LRMDA: variants seen among roughly 807,000 people sequenced by gnomAD.
LRMDA encodes leucine rich melanocyte differentiation associated.
Under a neutral mutation model 29.8 loss-of-function variants are expected in LRMDA, and 18 were observed. The ratio of observed to expected loss-of-function variants is 0.60; its 90% CI spans 0.42 to 0.90. The LOEUF (loss-of-function observed/expected upper bound fraction) is 0.90. Among genes scored for constraint, LRMDA ranks in the 40% least tolerant of loss-of-function variants. The pLI is 0.00. For missense variants in LRMDA, 273 were observed against 273.9 expected, an observed-to-expected ratio of 1.00 and a Z score of 0.02; for synonymous variants, 125 against 109.4, an observed-to-expected ratio of 1.14 and a Z score of -0.89.
At chr10:75,890,599 T>G (rs1011749514) in intron 2 of LRMDA, among the ~76,000 whole-genome samples, 1 of 152,138 alleles carries the variant, frequency 6.6e-6, no homozygotes, top group African/African-American at 2.4e-5. Flanking sequence ...TGTGTTCATT[T>G]TGTAGGTGTG....
At chr10:76,211,440 G>GACT (rs1194475878) in intron 5 of LRMDA, among the ~76,000 whole-genome samples, 1 of 152,222 alleles carries the variant, frequency 6.6e-6, no homozygotes, top group Non-Finnish European at 1.5e-5. Context: ...ACACATAGGT[G>GACT]ACTACTCAAG....
chr10:76,543,257 T>C (rs1843378747), intron 6 of LRMDA, among the ~76,000 whole-genome samples: 1 of 151,802 alleles, frequency 6.6e-6, no homozygotes, highest in African/African-American at 2.4e-5. Context: ...ATACATTAGG[T>C]AAAACCCTGC....
At chr10:75,624,697 T>C (rs1322221943) in intron 2 of LRMDA, among the ~76,000 whole-genome samples, 1 of 152,166 alleles carries the variant, frequency 6.6e-6, no homozygotes, top group African/African-American at 2.4e-5. Context: ...TGCCTGAGAT[T>C]AGCCAGCAAA....
chr10:75,879,161 T>A (rs1196137942), intron 2 of LRMDA, among the ~76,000 whole-genome samples: 1 of 152,128 alleles, frequency 6.6e-6, no homozygotes, highest in Non-Finnish European at 1.5e-5. Context: ...GTCTTATAAC[T>A]TGAGTGATGC....
intron 2 of LRMDA, among the ~76,000 whole-genome samples, chr10:75,558,156 T>C (rs1216291963): frequency 1.1e-5 from 1 of 86,986 alleles, no homozygotes; most frequent in East Asian, 4.4e-4. Context: ...AGTGGTATGA[T>C]TTTTTTTTTT....
At chr10:76,372,857 G>T (rs1260135605) in intron 6 of LRMDA, among the ~76,000 whole-genome samples, 7 of 151,908 alleles carry the variant, frequency 4.6e-5, no homozygotes, top group Admixed American at 4.6e-4. Context: ...GAACTTGAAG[G>T]GTCCCATTTT....
chr10:76,516,679 T>C (rs1216948411), intron 6 of LRMDA, among the ~76,000 whole-genome samples: 5 of 152,210 alleles, frequency 3.3e-5, no homozygotes, highest in African/African-American at 1.2e-4. Flanking sequence ...AACTCTTCAT[T>C]TTTTATGGCT....
At chr10:75,795,980 A>T (rs565683210) in intron 2 of LRMDA, among the ~76,000 whole-genome samples, 89 of 152,210 alleles carry the variant, frequency 5.8e-4, no homozygotes, top group African/African-American at 2.0e-3. Context: ...AAATTGAATT[A>T]AAAAAATCAT....
At chr10:75,896,221 CAAG>C (rs1375317087) in intron 2 of LRMDA, among the ~76,000 whole-genome samples, 2 of 152,138 alleles carry the variant, frequency 1.3e-5, no homozygotes. Context: ...AACACAAACT[CAAG>C]AGCTTCTAGG....
chr10:76,543,938 C>T (rs180885845), intron 6 of LRMDA, among the ~76,000 whole-genome samples: 5 of 152,234 alleles, frequency 3.3e-5, no homozygotes, highest in Non-Finnish European at 7.4e-5. Context: ...GGGCTTCTCC[C>T]TGCACCACAG....
intron 2 of LRMDA, among the ~76,000 whole-genome samples, chr10:75,675,266 T>C (rs1366306610): frequency 6.6e-6 from 1 of 152,212 alleles, no homozygotes; most frequent in African/African-American, 2.4e-5. Context: ...TAATTGTACA[T>C]TTACTAATTG....
intron 2 of LRMDA, among the ~76,000 whole-genome samples, chr10:75,834,581 A>C (rs1844401379): frequency 6.6e-6 from 1 of 152,332 alleles, no homozygotes. Flanking sequence ...CAGCAAGAGG[A>C]AACCAGATTG....
chr10:76,303,205 T>G (rs986641846), intron 5 of LRMDA, among the ~76,000 whole-genome samples: 2 of 145,266 alleles, frequency 1.4e-5, no homozygotes, highest in African/African-American at 2.7e-5. Context: ...ATGTTTACAC[T>G]CCTCCCTTTT....
At chr10:75,639,185 G>A (rs189927591) in intron 2 of LRMDA, among the ~76,000 whole-genome samples, 10 of 152,318 alleles carry the variant, frequency 6.6e-5, no homozygotes, top group South Asian at 2.1e-4. Flanking sequence ...AAAATGTAGG[G>A]AAGATAGGAT....
chr10:75,645,315 T>G (rs1841504671), intron 2 of LRMDA, among the ~76,000 whole-genome samples: 2 of 152,224 alleles, frequency 1.3e-5, no homozygotes, highest in Non-Finnish European at 2.9e-5. Flanking sequence ...AATTGTGAAC[T>G]GTAGGTGATA....
At chr10:76,135,307 AC>A (rs1264378764) in intron 5 of LRMDA, among the ~76,000 whole-genome samples, 1 of 152,208 alleles carries the variant, frequency 6.6e-6, no homozygotes, top group East Asian at 1.9e-4. Context: ...AAGGGACAGC[AC>A]CAAATGGAGG....
intron 2 of LRMDA, among the ~76,000 whole-genome samples, chr10:75,828,721 C>T (rs971844920): frequency 2.6e-5 from 4 of 152,126 alleles, no homozygotes; most frequent in African/African-American, 7.2e-5. Context: ...AGAAATATAG[C>T]GGTACGTGTT....
chr10:75,527,613 C>T (rs1371404619), intron 2 of LRMDA, among the ~76,000 whole-genome samples: 2 of 149,386 alleles, frequency 1.3e-5, no homozygotes, highest in African/African-American at 4.9e-5. Flanking sequence ...ATGAAGTTTA[C>T]AAGAATGGAG....
intron 2 of LRMDA, among the ~76,000 whole-genome samples, chr10:75,497,834 G>C (rs769915271): frequency 3.3e-5 from 5 of 152,040 alleles, no homozygotes; most frequent in Non-Finnish European, 5.9e-5. Flanking sequence ...CACTTAAGCT[G>C]TTTCCAGATT....
Sources: allele counts gnomAD v4.1 joint callset (sites outside exome capture counted in the v4.1 genomes callset), GRCh38; gene constraint gnomAD v4.1.1; transcripts MANE v1.5; gene names NCBI Gene and HGNC (gene_info 2026-07-23, HGNC 2026-07-21).